Variants in SYNE2 observed in about 807,000 individuals in gnomAD.
SYNE2 encodes spectrin repeat containing nuclear envelope protein 2, also known as nesprin-2.
Under a neutral mutation model 856.3 loss-of-function variants are expected in SYNE2, and 431 were observed. The ratio of observed to expected loss-of-function variants is 0.50; its 90% CI spans 0.47 to 0.55. SYNE2 has a LOEUF of 0.55. SYNE2 is among the 20% of genes least tolerant of loss of function. The pLI is 0.00. For synonymous variants in SYNE2, 2,923 were observed against 2,872.3 expected (o/e 1.02, Z -0.56); for missense variants, 8,129 against 8,023.2 (o/e 1.01, Z -0.50).
chr14:64,085,609 G>A (rs2097555472), intron 57 of SYNE2, among the ~76,000 whole-genome samples: 1 of 152,168 alleles, frequency 6.6e-6, no homozygotes, highest in Non-Finnish European at 1.5e-5. Context: ...TTTCCAAAAT[G>A]GCTGTATCAT....
chr14:63,856,953 A>G (rs1891940974), intron 1 of SYNE2, among the ~76,000 whole-genome samples: 1 of 151,950 alleles, frequency 6.6e-6, no homozygotes, highest in Non-Finnish European at 1.5e-5. Context: ...ATTTTTTTGT[A>G]GAGAAGAGGT....
At chr14:64,018,271 G>C (rs1007673768) in intron 34 of SYNE2, among the ~76,000 whole-genome samples, 4 of 151,994 alleles carry the variant, frequency 2.6e-5, no homozygotes, top group African/African-American at 9.7e-5. Flanking sequence ...GCAGAGTCTC[G>C]TTCTGTCACC....
intron 2 of SYNE2, among the ~76,000 whole-genome samples, chr14:63,933,436 A>G (rs995965775): frequency 6.6e-6 from 1 of 152,218 alleles, no homozygotes; most frequent in Non-Finnish European, 1.5e-5. Flanking sequence ...CTGGCTAAGG[A>G]TATGAGTTGC....
At chr14:63,893,914 G>A (rs1293703980) in intron 1 of SYNE2, among the ~76,000 whole-genome samples, 1 of 152,164 alleles carries the variant, frequency 6.6e-6, no homozygotes, top group Non-Finnish European at 1.5e-5. Context: ...CTAGGCGATG[G>A]GAGTCAAGGC....
chr14:63,793,131 G>A (rs1444185685), intron 1 of SYNE2, among the ~76,000 whole-genome samples: 1 of 152,150 alleles, frequency 6.6e-6, no homozygotes, highest in African/African-American at 2.4e-5. Context: ...GGATTGATGT[G>A]GGCAAAACAG....
chr14:64,156,879 G>A (rs1428024350), intron 85 of SYNE2, among the ~76,000 whole-genome samples: 1 of 152,172 alleles, frequency 6.6e-6, no homozygotes, highest in African/African-American at 2.4e-5. Context: ...TCCCACTTTG[G>A]TTTTTTATCC....
Position 63,995,027 on chromosome 14 carries a change from T to C in SYNE2, c.2782-17T>C. On this transcript the variant is annotated splice_polypyrimidine_tract_variant and intron_variant, in intron 22 of 115. Coordinates refer to ENST00000555002, the MANE Select transcript of SYNE2 (RefSeq NM_182914.3). ...TTTGTTCTCATGGTTAATATATTCC[T>C]TTGATTTTTTTTGTAGTCTCTTCAT... 6.8e-7 allele frequency: 1 copy of C among 1,469,928 alleles called. No individual in the cohort carries two copies. Among genetic ancestry groups the C allele is most frequent in the East Asian group, 2.3e-5 (1 of 42,600 alleles). The allele number at this position is 1,469,928 out of a possible 1,614,324, so 91.1% of individuals were successfully genotyped here.
At chr14:63,794,412 ACTCCT>A (rs1887847092) in intron 1 of SYNE2, among the ~76,000 whole-genome samples, 1 of 151,806 alleles carries the variant, frequency 6.6e-6, no homozygotes, top group Admixed American at 6.6e-5. Context: ...CTGGTCTCAA[ACTCCT>A]GGCCTCAAAT....
chr14:64,126,049 G>A (rs539210596), intron 71 of SYNE2, among the ~76,000 whole-genome samples: 76 of 152,268 alleles, frequency 5.0e-4, no homozygotes, highest in African/African-American at 1.7e-3. Context: ...CACCTGGATC[G>A]CCCTGCTAAG....
chr14:64,150,552 GT>G (rs1351407154), intron 84 of SYNE2, among the ~76,000 whole-genome samples: 94 of 64,676 alleles, frequency 1.5e-3, no homozygotes, highest in Non-Finnish European at 2.2e-3. Flanking sequence ...TTTTTGAAGG[GT>G]GTGTGTGTGT....
intron 1 of SYNE2, among the ~76,000 whole-genome samples, chr14:63,885,350 G>A (rs1004680955): frequency 5.9e-5 from 9 of 152,104 alleles, no homozygotes; most frequent in African/African-American, 1.7e-4. Context: ...TGAAGTTGGC[G>A]AGGCTCTATT....
intron 64 of SYNE2, among the ~76,000 whole-genome samples, chr14:64,105,047 C>G (rs2097762197): frequency 6.6e-6 from 1 of 152,146 alleles, no homozygotes; most frequent in Non-Finnish European, 1.5e-5. Flanking sequence ...TTTCTCTCAC[C>G]TGTCACATCC....
intron 86 of SYNE2, 121 bp downstream of exon 86, chr14:64,158,916 T>C: frequency 9.2e-7 from 1 of 1,083,146 alleles, no homozygotes; most frequent in Non-Finnish European, 1.4e-6. Flanking sequence ...GCATGTTAAA[T>C]AGCAGTTTCA....
Position 64,225,394 on chromosome 14 carries a change from CCTCCTGCTGCTGCTGCTCCT to C in SYNE2, c.20593_20612del (p.Leu6865GlyfsTer50). On this transcript the variant is annotated frameshift_variant, in exon 116 of 116. Transcript: ENST00000555002. LOFTEE classifies it high-confidence loss of function. The stretch of plus-strand genomic sequence containing the variant: ...GGGCAGCCCTACCCCTGCAGCTGCT[CCTCCTGCTGCTGCTGCTCCT>C]GGCCTGCCTGCTGCCCTCCTCCGAA... 1 of 1,614,100 alleles carries C rather than the reference CCTCCTGCTGCTGCTGCTCCT, an allele frequency of 6.2e-7. No homozygotes were observed. The highest frequency in any genetic ancestry group is 8.5e-7 in the Non-Finnish European group (1 of 1,179,982).
chr14:63,987,761 T>A (rs991879711), intron 19 of SYNE2, among the ~76,000 whole-genome samples: 2 of 146,924 alleles, frequency 1.4e-5, no homozygotes, highest in African/African-American at 2.7e-5. Context: ...ATTAAATATT[T>A]AAAAATTTTT....
chr14:63,961,260 G>T (rs1372084676), intron 8 of SYNE2, among the ~76,000 whole-genome samples: 1 of 152,202 alleles, frequency 6.6e-6, no homozygotes, highest in Non-Finnish European at 1.5e-5. Context: ...ACCCCATAGT[G>T]ATACTTTATT....
intron 2 of SYNE2, among the ~76,000 whole-genome samples, chr14:63,912,769 T>C (rs2095487870): frequency 6.6e-6 from 1 of 152,228 alleles, no homozygotes; most frequent in Non-Finnish European, 1.5e-5. Flanking sequence ...TATGAAAGCA[T>C]ATAGCCCGTA....
chr14:64,050,989 C>A (rs185722091), intron 47 of SYNE2, among the ~76,000 whole-genome samples: 113 of 151,468 alleles, frequency 7.5e-4, no homozygotes, highest in Admixed American at 1.1e-3. Flanking sequence ...CCACTGCATT[C>A]CAGCCTGGGT....
At chr14:64,061,125 G>T (rs370177732) in intron 49 of SYNE2, among the ~76,000 whole-genome samples, 1 of 152,186 alleles carries the variant, frequency 6.6e-6, no homozygotes, top group African/African-American at 2.4e-5. Context: ...TTTTTATGAA[G>T]TTGCTTTTGT....
Sources: allele counts gnomAD v4.1 joint callset (sites outside exome capture counted in the v4.1 genomes callset), GRCh38; gene constraint gnomAD v4.1.1; transcripts MANE v1.5; gene names NCBI Gene and HGNC (gene_info 2026-07-23, HGNC 2026-07-21).